Variants in NCK1 observed in about 807,000 individuals in gnomAD.
NCK1 encodes the protein SH2/SH3 adapter protein NCK1.
In NCK1, 19 loss-of-function variants were observed where a neutral mutation model predicts 36.6. That is an observed-to-expected ratio of 0.52 (90% confidence interval 0.36 to 0.76). The LOEUF (loss-of-function observed/expected upper bound fraction) is 0.76. NCK1 is among the 30% of genes least tolerant of loss of function. The pLI is 0.00. For missense variants in NCK1, 358 were observed against 445.6 expected, an observed-to-expected ratio of 0.80 and a Z score of 1.77; for synonymous variants, 165 against 156.0, an observed-to-expected ratio of 1.06 and a Z score of -0.43.
chr3:136,870,375 A>G (rs1206941768), intron 1 of NCK1, among the ~76,000 whole-genome samples: 1 of 151,964 alleles, frequency 6.6e-6, no homozygotes, highest in Admixed American at 6.6e-5. Context: ...TCTTCCAAAA[A>G]TTTTAGCACG....
intron 2 of NCK1, among the ~76,000 whole-genome samples, chr3:136,931,923 C>G (rs1210391566): frequency 6.6e-6 from 1 of 152,008 alleles, no homozygotes; most frequent in African/African-American, 2.4e-5. Context: ...AGTTTGAGAC[C>G]AGCCTGGTCA....
intron 1 of NCK1, chr3:136,900,058 A>G (rs1176280854): frequency 6.0e-4 from 338 of 558,678 alleles, no homozygotes; most frequent in Non-Finnish European, 8.5e-4. Flanking sequence ...GGTTTCTTAC[A>G]TCTCACAGGC....
chr3:136,883,300 G>A lies in NCK1; in HGVS notation c.-19+20947G>A, dbSNP rs146628950. On this transcript the variant is annotated intron_variant, in intron 1 of 3. Coordinates refer to ENST00000481752, the MANE Select transcript of NCK1 (RefSeq NM_001291999.2). ...TGTACCACTTTTGCCCTTGTTCTCTGGCCACATCTCTAGCCATACGGTCAT... is the reference window on the plus strand; with the variant it reads ...TGTACCACTTTTGCCCTTGTTCTCTAGCCACATCTCTAGCCATACGGTCAT... Among the ~76,000 whole-genome samples, 376 of 152,156 alleles carry A rather than the reference G, an allele frequency of 2.5e-3. 1 individual carries two copies. Among genetic ancestry groups the A allele is most frequent in the African/African-American group, 7.8e-3 (322 of 41,502 alleles).
chr3:136,925,207 T>A (rs1342882626), intron 1 of NCK1, among the ~76,000 whole-genome samples: 2 of 152,210 alleles, frequency 1.3e-5, no homozygotes, highest in Non-Finnish European at 2.9e-5. Flanking sequence ...TTGGTAATAC[T>A]TTTGTCACCC....
rs533409097 is a variant in NCK1 at position 136,906,674 on chromosome 3, G to C, written c.-18-21310G>C. 2.6e-5 allele frequency among the ~76,000 whole-genome samples: 4 copies of C among 152,294 alleles called. No homozygotes were observed. The East Asian group carries it at 7.7e-4, about 29-fold the overall frequency. ...GGTGTGGATGATGGCAGTAGCAGTGGTGGGATAACCTTTAGGACCCAAGCT... is the reference window on the plus strand; with the variant it reads ...GGTGTGGATGATGGCAGTAGCAGTGCTGGGATAACCTTTAGGACCCAAGCT... On this transcript the variant is annotated intron_variant, in intron 1 of 3. Coordinates refer to ENST00000481752, the MANE Select transcript of NCK1 (RefSeq NM_001291999.2).
Position 136,927,966 on chromosome 3 carries a change from T to C in NCK1, c.-18-18T>C, listed in dbSNP as rs552301873. On this transcript the variant is annotated intron_variant, in intron 1 of 3. Transcript: ENST00000481752. ...ACTACCTCAACCTTACATAAAAATA[T>C]TTTCCATGTGTTTACAGTGCTGAAG... The C allele has an allele frequency of 2.7e-6, 4 of 1,506,562 alleles. No homozygotes were observed. The South Asian group carries it at 3.5e-5, about 13-fold the overall frequency. The allele number at this position is 1,506,562 out of a possible 1,614,324, so 93.3% of individuals were successfully genotyped here. A position where few individuals can be genotyped will look rare whatever the true frequency, so the allele number is the denominator to read the frequency against.
chr3:136,918,303 A>C (rs1940016994), intron 1 of NCK1, among the ~76,000 whole-genome samples: 1 of 152,130 alleles, frequency 6.6e-6, no homozygotes, highest in African/African-American at 2.4e-5. Flanking sequence ...TGGGTTCTGC[A>C]TCCACAGATT....
chr3:136,904,249 T>C (rs568017651), intron 1 of NCK1, among the ~76,000 whole-genome samples: 1 of 152,132 alleles, frequency 6.6e-6, no homozygotes, highest in Admixed American at 6.6e-5. Flanking sequence ...GCCTCCTGGG[T>C]TCAAGTGATT....
Position 136,928,034 on chromosome 3 carries a change from T to C in NCK1, c.33T>C (p.Phe11=). Reference sequence around the variant, plus strand: ...AAGAAGTGGTGGTAGTAGCCAAATTTGATTATGTGGCCCAACAAGAACAAG... The same window carrying C: ...AAGAAGTGGTGGTAGTAGCCAAATTCGATTATGTGGCCCAACAAGAACAAG... MAEEVVVVAK[F]DYVAQQEQEL... The change falls in exon 2 of 4, where the codon TTT becomes TTC. Residue 11 remains phenylalanine, a synonymous_variant. Coordinates refer to ENST00000481752, the MANE Select transcript of NCK1 (RefSeq NM_001291999.2). 6.2e-7 allele frequency: 1 copy of C among 1,614,156 alleles called. No individual in the cohort carries two copies. Among genetic ancestry groups the C allele is most frequent in the Non-Finnish European group, 8.5e-7 (1 of 1,180,006 alleles).
chr3:136,901,066 G>A (rs1456349620), intron 1 of NCK1, among the ~76,000 whole-genome samples: 1 of 152,058 alleles, frequency 6.6e-6, no homozygotes, highest in African/African-American at 2.4e-5. Context: ...CCTTTGTTAT[G>A]TTGAAGTATG....
At chr3:136,894,752 C>G (rs983372154) in intron 1 of NCK1, among the ~76,000 whole-genome samples, 1 of 152,198 alleles carries the variant, frequency 6.6e-6, no homozygotes, top group African/African-American at 2.4e-5. Flanking sequence ...GCCACCTGCT[C>G]AGTTCTGTGT....
intron 1 of NCK1, among the ~76,000 whole-genome samples, chr3:136,924,197 C>T (rs1322070899): frequency 6.6e-6 from 1 of 152,152 alleles, no homozygotes; most frequent in Non-Finnish European, 1.5e-5. Context: ...CATAATGTGC[C>T]TCCTAATAAA....
At chr3:136,930,515 C>T in intron 2 of NCK1, 2 of 1,410,236 alleles carry the variant, frequency 1.4e-6, no homozygotes, top group Non-Finnish European at 1.9e-6. Context: ...GAGAATTATC[C>T]TGAGCTGTGT....
At chr3:136,873,256 G>A (rs1410947505) in intron 1 of NCK1, among the ~76,000 whole-genome samples, 1 of 152,220 alleles carries the variant, frequency 6.6e-6, no homozygotes, top group Non-Finnish European at 1.5e-5. Flanking sequence ...GCATGACCTG[G>A]ATGTGAGACA....
intron 1 of NCK1, among the ~76,000 whole-genome samples, chr3:136,921,190 T>G (rs891307757): frequency 6.6e-6 from 1 of 152,226 alleles, no homozygotes; most frequent in African/African-American, 2.4e-5. Context: ...ACTTAAACTC[T>G]GTACCCATTA....
chr3:136,895,218 C>T (rs1939360008), intron 1 of NCK1, among the ~76,000 whole-genome samples: 1 of 152,090 alleles, frequency 6.6e-6, no homozygotes, highest in South Asian at 2.1e-4. Context: ...ACAGTTTTCA[C>T]TTTAACGTAG....
At chr3:136,913,908 T>TCCGCCCG (rs1560044992) in intron 1 of NCK1, among the ~76,000 whole-genome samples, 81 of 152,290 alleles carry the variant, frequency 5.3e-4, no homozygotes, top group African/African-American at 1.7e-3. Flanking sequence ...GACCTTGTGA[T>TCCGCCCG]CCTGGCCTCC....
intron 1 of NCK1, among the ~76,000 whole-genome samples, chr3:136,866,616 C>T (rs1938418880): frequency 6.9e-6 from 1 of 144,624 alleles, no homozygotes; most frequent in South Asian, 2.2e-4. Context: ...CTCTTTCTTT[C>T]TTCTTTTTTT....
intron 1 of NCK1, among the ~76,000 whole-genome samples, chr3:136,891,569 G>A (rs2094151837): frequency 6.6e-6 from 1 of 152,182 alleles, no homozygotes. Flanking sequence ...GAAATTGCTG[G>A]ATTGTATGGT....
Sources: allele counts gnomAD v4.1 joint callset (sites outside exome capture counted in the v4.1 genomes callset), GRCh38; gene constraint gnomAD v4.1.1; transcripts MANE v1.5; gene names NCBI Gene and HGNC (gene_info 2026-07-23, HGNC 2026-07-21).